CDH19: variants seen among roughly 807,000 people sequenced by gnomAD.
CDH19 encodes the protein cadherin-19.
Under a neutral mutation model 64.2 loss-of-function variants are expected in CDH19, and 67 were observed. The observed-to-expected ratio is 1.04, with a 90% CI of 0.86 to 1.28. CDH19 has a LOEUF of 1.28. CDH19 is among the 50% of genes most tolerant of loss of function. The pLI is 0.00. For missense variants in CDH19, 1,030 were observed against 929.0 expected (o/e 1.11, Z -1.41); for synonymous variants, 346 against 319.3 (o/e 1.08, Z -0.89).
At chr18:66,509,286 T>G in intron 10 of CDH19, 40 bp from the exon 11 acceptor site, 1 of 1,579,400 alleles carries the variant, frequency 6.3e-7, no homozygotes, top group Non-Finnish European at 8.7e-7. Flanking sequence ...TTCAACTACG[T>G]AAGAGAAATT....
intron 3 of CDH19, among the ~76,000 whole-genome samples, chr18:66,556,094 G>C (rs1987507934): frequency 6.6e-6 from 1 of 151,584 alleles, no homozygotes; most frequent in African/African-American, 2.4e-5. Flanking sequence ...ATAGAAATAT[G>C]TCATACAGTT....
Position 66,558,308 on chromosome 18 carries a change from G to A in CDH19, c.491-3784C>T, listed in dbSNP as rs144863096. On this transcript the variant is annotated intron_variant, in intron 3 of 11. Transcript: ENST00000262150. Reference sequence around the variant, plus strand: ...TAAAATTTAGATGAATCTTAGCAATGCTCGATTTTTACAGGACCCTAATTA... The same window carrying A: ...TAAAATTTAGATGAATCTTAGCAATACTCGATTTTTACAGGACCCTAATTA... 8.6e-5 allele frequency among the ~76,000 whole-genome samples: 13 copies of A among 151,362 alleles called. No homozygotes were observed. The East Asian group carries it at 2.5e-3, about 29-fold the overall frequency.
At chr18:66,529,823 G>C in intron 9 of CDH19, 22 bp downstream of exon 9, 2 of 1,506,474 alleles carry the variant, frequency 1.3e-6, no homozygotes, top group Non-Finnish European at 1.8e-6. Context: ...TTTAGACTTT[G>C]TAATTTATAA....
intron 1 of CDH19, among the ~76,000 whole-genome samples, chr18:66,585,325 T>C (rs1988545221): frequency 6.6e-6 from 1 of 152,052 alleles, no homozygotes; most frequent in African/African-American, 2.4e-5. Context: ...TTTCGGGTTA[T>C]TTTCCCAAAT....
At chr18:66,524,569 T>TATATATATATATAA (rs1276593665) in intron 9 of CDH19, among the ~76,000 whole-genome samples, 7,245 of 134,464 alleles carry the variant, frequency 0.054, 309 homozygotes, top group South Asian at 0.087. Flanking sequence ...TATATATATA[T>TATATATATATATAA]AAACATCATC....
At chr18:66,505,576 AAT>A (rs1412052237) in intron 11 of CDH19, among the ~76,000 whole-genome samples, 5 of 147,256 alleles carry the variant, frequency 3.4e-5, no homozygotes, top group Non-Finnish European at 6.0e-5. Context: ...TATATAATAT[AAT>A]ATATATAGTG....
At chr18:66,516,322 A>G (rs1285135694) in intron 9 of CDH19, among the ~76,000 whole-genome samples, 1 of 151,974 alleles carries the variant, frequency 6.6e-6, no homozygotes, top group African/African-American at 2.4e-5. Flanking sequence ...TATTGTCATG[A>G]TCCTATTGAA....
chr18:66,528,699 A>G (rs554652222), intron 9 of CDH19, among the ~76,000 whole-genome samples: 3 of 152,242 alleles, frequency 2.0e-5, no homozygotes, highest in South Asian at 4.1e-4. Context: ...AATAATCAGT[A>G]ACAGTTAAGA....
chr18:66,560,816 C>G (rs1399675264), intron 3 of CDH19, among the ~76,000 whole-genome samples: 1 of 151,972 alleles, frequency 6.6e-6, no homozygotes, highest in Admixed American at 6.6e-5. Flanking sequence ...TCTCTTCATT[C>G]ATTTGATGAA....
chr18:66,560,328 C>CT (rs1568197791), intron 3 of CDH19, among the ~76,000 whole-genome samples: 1 of 152,060 alleles, frequency 6.6e-6, no homozygotes, highest in Admixed American at 6.6e-5. Context: ...ATCAGGGAAA[C>CT]TTTTCAGTAA....
At chr18:66,556,266 T>G (rs1013484437) in intron 3 of CDH19, among the ~76,000 whole-genome samples, 3 of 151,760 alleles carry the variant, frequency 2.0e-5, no homozygotes, top group African/African-American at 7.2e-5. Flanking sequence ...CCCATTTTTG[T>G]GTGTGCATGG....
chr18:66,532,243 AG>A (rs1462719774), intron 8 of CDH19: 2 of 152,066 alleles, frequency 1.3e-5, no homozygotes, highest in East Asian at 3.9e-4. Context: ...CTGGAATTAC[AG>A]GCTTAAGTCA....
At chr18:66,513,405 C>T (rs1985586630) in intron 9 of CDH19, among the ~76,000 whole-genome samples, 2 of 151,262 alleles carry the variant, frequency 1.3e-5, no homozygotes, top group Admixed American at 1.3e-4. Context: ...GTTGGGCTTC[C>T]AATAAGATAT....
At chr18:66,514,199 TGAG>T (rs935694498) in intron 9 of CDH19, among the ~76,000 whole-genome samples, 9 of 151,548 alleles carry the variant, frequency 5.9e-5, no homozygotes, top group Middle Eastern at 6.8e-3. Context: ...ATGTGAAATA[TGAG>T]TAGTAAGTGT....
chr18:66,501,796 G>A lies in CDH19; in HGVS notation c.*3016C>T, dbSNP rs1598958197. 1.3e-5 allele frequency: 2 copies of A among 152,196 alleles called. No individual in the cohort carries two copies. The highest frequency in any genetic ancestry group is 4.1e-4 in the South Asian group (2 of 4,830). The allele number at this position is 152,196 out of a possible 1,614,324, so 9.4% of individuals were successfully genotyped here. A position where few individuals can be genotyped will look rare whatever the true frequency, so the allele number is the denominator to read the frequency against. On this transcript the variant is annotated 3_prime_UTR_variant, in exon 12 of 12. Transcript: ENST00000262150. The stretch of plus-strand genomic sequence containing the variant: ...GATTGGACGTCATTTTACAAAGTGA[G>A]ATCTGGAAAGATTAAGCAGTTTAAC...
chr18:66,562,203 T>C (rs1987748622), intron 3 of CDH19, among the ~76,000 whole-genome samples: 1 of 151,754 alleles, frequency 6.6e-6, no homozygotes, highest in Non-Finnish European at 1.5e-5. Flanking sequence ...TTTCTACTAT[T>C]ACTACATTGT....
chr18:66,532,850 C>T (rs1986509155), intron 8 of CDH19: 1 of 380,288 alleles, frequency 2.6e-6, no homozygotes, highest in Admixed American at 3.1e-5. Flanking sequence ...GCGGTCACTC[C>T]AACTACCCAG....
intron 3 of CDH19, among the ~76,000 whole-genome samples, chr18:66,561,977 CTTTATAAAA>C (rs1487994319): frequency 6.6e-6 from 1 of 151,872 alleles, no homozygotes; most frequent in Non-Finnish European, 1.5e-5. Context: ...AGCAAAAGGT[CTTTATAAAA>C]ATAAGTTCAA....
chr18:66,545,135 C>G (rs769067112), intron 5 of CDH19, among the ~76,000 whole-genome samples: 1 of 151,864 alleles, frequency 6.6e-6, no homozygotes, highest in Non-Finnish European at 1.5e-5. Flanking sequence ...CCCACCACCA[C>G]GCCCGGCTAA....
Sources: allele counts gnomAD v4.1 joint callset (sites outside exome capture counted in the v4.1 genomes callset), GRCh38; gene constraint gnomAD v4.1.1; transcripts MANE v1.5; gene names NCBI Gene and HGNC (gene_info 2026-07-23, HGNC 2026-07-21).